XIRP2: variants seen among roughly 807,000 people sequenced by gnomAD.
The protein encoded by XIRP2 is xin actin binding repeat containing 2.
A neutral mutation model predicts 277.0 loss-of-function variants in XIRP2; 236 were observed. That is an observed-to-expected ratio of 0.85 (90% confidence interval 0.77 to 0.95). XIRP2 has a LOEUF of 0.95. XIRP2 is among the 40% of genes least tolerant of loss of function. The pLI is 0.00. For missense variants in XIRP2, 4,640 were observed against 4,157.5 expected, an observed-to-expected ratio of 1.12 and a Z score of -3.19; for synonymous variants, 1,490 against 1,416.5, an observed-to-expected ratio of 1.05 and a Z score of -1.17.
chr2:167,072,172 CTGTGTATG>C (rs1689453755), intron 2 of XIRP2, among the ~76,000 whole-genome samples: 1 of 151,986 alleles, frequency 6.6e-6, no homozygotes, highest in African/African-American at 2.4e-5. Flanking sequence ...ATGATTGTGT[CTGTGTATG>C]TGTGAATACA....
At chr2:166,907,266 T>C (rs1374688945) in intron 2 of XIRP2, among the ~76,000 whole-genome samples, 1 of 152,154 alleles carries the variant, frequency 6.6e-6, no homozygotes, top group Non-Finnish European at 1.5e-5. Flanking sequence ...TTTTTAAGAA[T>C]TTACAAAAAT....
Position 167,245,936 on chromosome 2 carries a change from A to G in XIRP2, c.4544A>G (p.Glu1515Gly), listed in dbSNP as rs377279646. 1.1e-4 allele frequency: 173 copies of G among 1,613,742 alleles called. No individual in the cohort carries two copies. Among genetic ancestry groups the G allele is most frequent in the Non-Finnish European group, 1.4e-4 (160 of 1,179,764 alleles). ...AHKGITKMTK[E>G]EIPPSDVKTT... ...AAAGGTATCACAAAAATGACCAAGG[A>G]AGAAATCCCTCCTTCTGATGTCAAA... The change falls in exon 9 of 11, where the codon GAA (glutamate) becomes GGA (glycine). Residue 1515 changes from glutamate (E) to glycine (G), a missense_variant. Physicochemically the swap from Glu to Gly is moderately conservative, Grantham distance 98. Transcript: ENST00000409195.
intron 3 of XIRP2, chr2:167,140,656 A>G (rs1171080052): frequency 6.6e-6 from 1 of 152,186 alleles, no homozygotes; most frequent in East Asian, 1.9e-4. Flanking sequence ...GCCCCAAATA[A>G]TGTTATTTTA....
In XIRP2 at chr2:166,973,180, A is replaced by G. The variant is rs115978416; in HGVS notation, c.408+69290A>G. On this transcript the variant is annotated intron_variant, in intron 2 of 10. Coordinates refer to ENST00000409195, the MANE Select transcript of XIRP2 (RefSeq NM_152381.6). ...TTTTTTTCAAAATAGGGAGAATGAT[A>G]ATGGATTTAATGAAAAATATAGGAT... 2.8e-3 allele frequency among the ~76,000 whole-genome samples: 425 copies of G among 152,344 alleles called. 4 individuals carry two copies. The highest frequency in any genetic ancestry group is 9.7e-3 in the African/African-American group (402 of 41,570).
chr2:166,926,314 A>C (rs924439862), intron 2 of XIRP2, among the ~76,000 whole-genome samples: 1 of 152,042 alleles, frequency 6.6e-6, no homozygotes, highest in African/African-American at 2.4e-5. Context: ...ACAATCTATC[A>C]TTATTGAAAT....
chr2:167,148,101 G>C (rs1439251408), intron 3 of XIRP2, among the ~76,000 whole-genome samples: 1 of 152,068 alleles, frequency 6.6e-6, no homozygotes, highest in Non-Finnish European at 1.5e-5. Flanking sequence ...AGGAAAAGAG[G>C]CTGGGCACGG....
At chr2:166,941,325 T>C (rs1166967465) in intron 2 of XIRP2, among the ~76,000 whole-genome samples, 5 of 152,180 alleles carry the variant, frequency 3.3e-5, no homozygotes, top group Admixed American at 2.6e-4. Flanking sequence ...GTGACCTGAT[T>C]TTCCAGGTGC....
rs188918602 is a variant in XIRP2, at chr2:167,093,273, A to T, written c.409-42636A>T. Among the ~76,000 whole-genome samples the T allele has an allele frequency of 4.5e-3, 666 of 147,282 alleles. 14 individuals carry two copies. Among genetic ancestry groups the T allele is most frequent in the African/African-American group, 0.017 (636 of 37,650 alleles). On this transcript the variant is annotated intron_variant, in intron 2 of 10. Transcript: ENST00000409195. ...AGTATAATTATCAAGTGTATGTTTG[A>T]TTATATATATATATATTTTTACAGA...
intron 1 of XIRP2, among the ~76,000 whole-genome samples, chr2:166,894,384 C>T (rs954755052): frequency 1.3e-5 from 2 of 152,090 alleles, no homozygotes; most frequent in South Asian, 4.2e-4. Flanking sequence ...AATGTCAGCT[C>T]CATGTATTTA....
intron 1 of XIRP2, among the ~76,000 whole-genome samples, chr2:166,890,599 C>T (rs1684077622): frequency 6.6e-6 from 1 of 152,128 alleles, no homozygotes; most frequent in Non-Finnish European, 1.5e-5. Flanking sequence ...ATTATTCACA[C>T]TGAGATTCAT....
At chr2:167,195,065 G>T (rs547733719) in intron 3 of XIRP2, among the ~76,000 whole-genome samples, 2 of 152,206 alleles carry the variant, frequency 1.3e-5, no homozygotes, top group South Asian at 4.1e-4. Flanking sequence ...AGAGAAACTG[G>T]TCTATGTGAT....
chr2:167,029,058 C>G (rs528238572), intron 2 of XIRP2, among the ~76,000 whole-genome samples: 1 of 151,910 alleles, frequency 6.6e-6, no homozygotes, highest in Admixed American at 6.6e-5. Flanking sequence ...ATGAAACACA[C>G]CCACAAGAAC....
intron 3 of XIRP2, among the ~76,000 whole-genome samples, chr2:167,158,165 A>T (rs532533518): frequency 5.6e-4 from 85 of 152,292 alleles, no homozygotes; most frequent in Non-Finnish European, 1.8e-4. Context: ...TACAAAATCC[A>T]ACTGAAAATA....
At chr2:167,222,224 A>G (rs1301826576) in intron 5 of XIRP2, among the ~76,000 whole-genome samples, 1 of 152,170 alleles carries the variant, frequency 6.6e-6, no homozygotes, top group East Asian at 1.9e-4. Flanking sequence ...ATGATGTCCC[A>G]TGTATGTATT....
chr2:167,110,674 T>C (rs1045055572), intron 2 of XIRP2, among the ~76,000 whole-genome samples: 1 of 152,190 alleles, frequency 6.6e-6, no homozygotes. Context: ...TTATTCCATA[T>C]GTATTTTAAA....
intron 2 of XIRP2, among the ~76,000 whole-genome samples, chr2:166,911,529 A>G (rs552588950): frequency 2.6e-5 from 4 of 152,254 alleles, no homozygotes; most frequent in Non-Finnish European, 5.9e-5. Flanking sequence ...GGTCTCCTCA[A>G]TACAGCAACC....
At chr2:167,117,367 C>T (rs1690925709) in intron 2 of XIRP2, among the ~76,000 whole-genome samples, 1 of 152,112 alleles carries the variant, frequency 6.6e-6, no homozygotes, top group Admixed American at 6.6e-5. Flanking sequence ...TTCTCTTAGT[C>T]AACTTAATCT....
At chr2:167,170,153 A>T (rs373306801) in intron 3 of XIRP2, among the ~76,000 whole-genome samples, 1 of 152,140 alleles carries the variant, frequency 6.6e-6, no homozygotes, top group Non-Finnish European at 1.5e-5. Context: ...ATGATAAAGA[A>T]CTTTTAAAAA....
intron 10 of XIRP2, among the ~76,000 whole-genome samples, chr2:167,255,953 C>T (rs1695643196): frequency 6.6e-6 from 1 of 151,750 alleles, no homozygotes; most frequent in Non-Finnish European, 1.5e-5. Flanking sequence ...TTTCTTCTGG[C>T]ATAAAGTGTT....
Sources: allele counts gnomAD v4.1 joint callset (sites outside exome capture counted in the v4.1 genomes callset), GRCh38; gene constraint gnomAD v4.1.1; transcripts MANE v1.5; gene names NCBI Gene and HGNC (gene_info 2026-07-23, HGNC 2026-07-21).